Variants in SNX25 observed in about 807,000 individuals in gnomAD.
SNX25 encodes the protein sorting nexin 25, also known as sorting nexin-25.
Under a neutral mutation model 113.7 loss-of-function variants are expected in SNX25, and 62 were observed. The ratio of observed to expected loss-of-function variants is 0.55; its 90% confidence interval spans 0.44 to 0.67. The LOEUF is 0.67. Among genes scored for constraint, SNX25 ranks in the 30% least tolerant of loss-of-function variants. The pLI is 0.00. For synonymous variants in SNX25, 421 were observed against 436.2 expected (o/e 0.97, Z 0.43); for missense variants, 1,014 against 1,161.0 (o/e 0.87, Z 1.84).
intron 5 of SNX25, among the ~76,000 whole-genome samples, chr4:185,282,654 C>T (rs67747917): frequency 0.11 from 17,331 of 152,244 alleles, 1,064 homozygotes; most frequent in East Asian, 0.18. Context: ...TGTGGCTTTT[C>T]CTTGTCACTG....
chr4:185,273,979 G>A (rs1319529718), intron 5 of SNX25, among the ~76,000 whole-genome samples: 3 of 151,880 alleles, frequency 2.0e-5, no homozygotes, highest in Non-Finnish European at 2.9e-5. Context: ...GGTCCAGGGT[G>A]GATTCTAGAA....
chr4:185,362,732 G>A (rs1388235609), intron 18 of SNX25, 21 bp downstream of exon 18: 1 of 1,585,910 alleles, frequency 6.3e-7, no homozygotes. Flanking sequence ...TAAAGCCCAG[G>A]GGGTTTCCTG....
intron 5 of SNX25, among the ~76,000 whole-genome samples, chr4:185,286,044 T>C (rs1407499113): frequency 6.6e-6 from 1 of 151,864 alleles, no homozygotes; most frequent in Non-Finnish European, 1.5e-5. Context: ...TCCCTAAGTA[T>C]TGGGATTATA....
downstream of SNX25, among the ~76,000 whole-genome samples, chr4:185,368,248 C>T (rs1168403872): frequency 6.6e-6 from 1 of 152,240 alleles, no homozygotes; most frequent in African/African-American, 2.4e-5. Context: ...CTCGAAGGGT[C>T]CTAACAGAAT....
chr4:185,282,991 A>G (rs1461853851), intron 5 of SNX25, among the ~76,000 whole-genome samples: 2 of 152,284 alleles, frequency 1.3e-5, no homozygotes, highest in Admixed American at 6.5e-5. Flanking sequence ...TTTTGTTGAG[A>G]AAAAAACAAG....
At chr4:185,233,288 A>G (rs1230422435) in intron 1 of SNX25, among the ~76,000 whole-genome samples, 1 of 152,114 alleles carries the variant, frequency 6.6e-6, no homozygotes, top group Non-Finnish European at 1.5e-5. Context: ...TAGTCTAAAA[A>G]AAAAAAAAGA....
Position 185,212,491 on chromosome 4 carries a change from G to GTTTTTGTTTTTTTTTTTTT in SNX25, c.429+2241_429+2242insGTTTTTTTTTTTTTTTTTT, listed in dbSNP as rs59085661. On this transcript the variant is annotated intron_variant, in intron 1 of 18. Transcript: ENST00000652585. The stretch of plus-strand genomic sequence containing the variant: ...TGTGTGTGTGTGTGTGTGTGTGTGT[G>GTTTTTGTTTTTTTTTTTTT]TTTTTTTTTTTTTTTGCTTTGAGAC... Among the ~76,000 whole-genome samples, 2 of 104,944 alleles carry GTTTTTGTTTTTTTTTTTTT rather than the reference G, an allele frequency of 1.9e-5. 1 individual carries two copies. 68.8% of individuals were successfully genotyped at this position (104,944 alleles called of 152,430 possible). A position where few individuals can be genotyped will look rare whatever the true frequency, so the allele number is the denominator to read the frequency against.
chr4:185,365,769 A>T (rs2095386115), downstream of SNX25: 1 of 151,896 alleles, frequency 6.6e-6, no homozygotes, highest in African/African-American at 2.4e-5. Context: ...GGGAATTTGG[A>T]TCTTCAAGTG....
intron 18 of SNX25, 32 bp downstream of exon 18, chr4:185,362,743 C>T (rs762510702): frequency 1.9e-6 from 3 of 1,558,202 alleles, no homozygotes; most frequent in South Asian, 1.1e-5. Flanking sequence ...GGGTTTCCTG[C>T]TTTATTTTTG....
chr4:185,298,648 T>C (rs1579678051), intron 6 of SNX25, among the ~76,000 whole-genome samples: 1 of 152,150 alleles, frequency 6.6e-6, no homozygotes, highest in African/African-American at 2.4e-5. Context: ...CTCTCTGCAT[T>C]CCAGCCACAT....
chr4:185,378,382 C>T, the SNX25 span: 1 of 1,393,044 alleles, frequency 7.2e-7, no homozygotes, highest in Non-Finnish European at 9.3e-7. Flanking sequence ...CACCAAGACC[C>T]TCCTCCCTAG....
chr4:185,310,710 T>G lies in SNX25; in HGVS notation c.1238T>G (p.Val413Gly), dbSNP rs754964914. The G allele has an allele frequency of 6.2e-7, 1 of 1,613,954 alleles. No homozygotes were observed. Among genetic ancestry groups the G allele is most frequent in the East Asian group, 2.2e-5 (1 of 44,892 alleles). The change falls in exon 7 of 19, where the codon GTG becomes GGG. Residue 413 changes from valine to glycine, a missense_variant. Transcript: ENST00000652585. Reference sequence around the variant, plus strand: ...AAGAGGTACATCAACCAACTGACTGTGGCAAAGAAGCAGTGTGAGAAGAGA... The same window carrying G: ...AAGAGGTACATCAACCAACTGACTGGGGCAAAGAAGCAGTGTGAGAAGAGA... ...NMKRYINQLTVAKKQCEKRIR... is the reference protein window; with the variant it reads ...NMKRYINQLTGAKKQCEKRIR...
At chr4:185,274,156 G>T (rs898410396) in intron 5 of SNX25, among the ~76,000 whole-genome samples, 3 of 151,934 alleles carry the variant, frequency 2.0e-5, no homozygotes, top group African/African-American at 7.3e-5. Flanking sequence ...CACCTCCCGG[G>T]TTCAAACGAT....
chr4:185,328,151 T>C (rs548101522), intron 9 of SNX25, among the ~76,000 whole-genome samples: 1 of 152,300 alleles, frequency 6.6e-6, no homozygotes, highest in South Asian at 2.1e-4. Flanking sequence ...CAGAAGAAGA[T>C]CCAGTAGTTA....
At chr4:185,375,920 C>T in the SNX25 span, among the ~76,000 whole-genome samples, 5 of 152,076 alleles carry the variant, frequency 3.3e-5, no homozygotes, top group Admixed American at 6.5e-5. Flanking sequence ...GAGTAACAGG[C>T]GCACGATGAG....
downstream of SNX25, chr4:185,370,779 A>T (rs1194102026): frequency 1.2e-6 from 2 of 1,614,130 alleles, no homozygotes; most frequent in Admixed American, 1.7e-5. Flanking sequence ...CTGGGCGATC[A>T]TGGGGATGTC....
At chr4:185,323,115 A>G (rs543613645) in intron 8 of SNX25, among the ~76,000 whole-genome samples, 36 of 152,334 alleles carry the variant, frequency 2.4e-4, no homozygotes, top group Non-Finnish European at 4.1e-4. Flanking sequence ...TTTCTGAGTT[A>G]CACAATTATT....
chr4:185,234,782 G>T (rs2126424609), intron 1 of SNX25, among the ~76,000 whole-genome samples: 1 of 152,112 alleles, frequency 6.6e-6, no homozygotes, highest in South Asian at 2.1e-4. Context: ...ACTTTTATGT[G>T]CATATTATCC....
At chr4:185,378,397 G>GCCA in the SNX25 span, 1 of 1,372,644 alleles carries the variant, frequency 7.3e-7, no homozygotes, top group Admixed American at 3.2e-5. Flanking sequence ...CCCTAGCTGA[G>GCCA]AGACAGCCAT....
Sources: gnomAD v4.1 joint callset for allele counts (sites outside exome capture counted in the v4.1 genomes callset) on GRCh38, gnomAD v4.1.1 for gene constraint, MANE v1.5 for transcripts, NCBI Gene and HGNC (gene_info 2026-07-23, HGNC 2026-07-21) for gene names.